The following GALNTL6 variants were observed in gnomAD, a reference collection of about 807,000 sequenced individuals.
The protein encoded by GALNTL6 is polypeptide N-acetylgalactosaminyltransferase like 6.
In GALNTL6, 46 loss-of-function variants were observed where a neutral mutation model predicts 73.7. That is an observed-to-expected ratio of 0.62 (90% CI 0.49 to 0.80). The LOEUF (loss-of-function observed/expected upper bound fraction) is 0.80, where lower values mean the gene tolerates loss of function less well. Among genes scored for constraint, GALNTL6 ranks in the 30% least tolerant of loss-of-function variants. GALNTL6 has a pLI of 0.00. For synonymous variants in GALNTL6, 259 were observed against 263.7 expected, an observed-to-expected ratio of 0.98 and a Z score of 0.17; for missense variants, 604 against 755.0, an observed-to-expected ratio of 0.80 and a Z score of 2.34.
chr4:171,867,756 TG>T (rs1005281801), intron 2 of GALNTL6, among the ~76,000 whole-genome samples: 73 of 152,354 alleles, frequency 4.8e-4, no homozygotes, highest in African/African-American at 1.8e-3. Flanking sequence ...AAGACAGTGT[TG>T]GCATTAAAAT....
At chr4:172,059,546 A>G in intron 2 of GALNTL6, among the ~76,000 whole-genome samples, 1 of 152,202 alleles carries the variant, frequency 6.6e-6, no homozygotes, top group Non-Finnish European at 1.5e-5. Flanking sequence ...AAATATATGA[A>G]TGAGGGCAAG....
chr4:171,885,042 G>A (rs1322248154), intron 2 of GALNTL6, among the ~76,000 whole-genome samples: 2 of 149,292 alleles, frequency 1.3e-5, no homozygotes, highest in African/African-American at 5.0e-5. Flanking sequence ...GGGCAACAGA[G>A]TGAGACTCTA....
At chr4:172,570,901 A>G (rs12503348) in intron 5 of GALNTL6, among the ~76,000 whole-genome samples, 74,433 of 151,844 alleles carry the variant, frequency 0.49, 19,552 homozygotes, top group East Asian at 0.68. Context: ...TGCTCATAAG[A>G]AGAGCGCAAT....
At chr4:172,824,766 C>A (rs1030610447) in intron 7 of GALNTL6, among the ~76,000 whole-genome samples, 3 of 152,178 alleles carry the variant, frequency 2.0e-5, no homozygotes, top group Admixed American at 6.5e-5. Context: ...AATCCTCTAA[C>A]AAAGTCAGAG....
intron 2 of GALNTL6, among the ~76,000 whole-genome samples, chr4:171,971,451 A>T (rs1739566445): frequency 6.6e-6 from 1 of 152,162 alleles, no homozygotes; most frequent in Non-Finnish European, 1.5e-5. Context: ...TATAATTGGG[A>T]CATTTAGGAC....
At chr4:171,937,179 C>G (rs565987573) in intron 2 of GALNTL6, among the ~76,000 whole-genome samples, 1 of 152,224 alleles carries the variant, frequency 6.6e-6, no homozygotes, top group South Asian at 2.1e-4. Flanking sequence ...TTAACTATTT[C>G]TGGGGTAAGA....
chr4:172,417,898 T>G (rs1050382367), intron 5 of GALNTL6, among the ~76,000 whole-genome samples: 1 of 152,192 alleles, frequency 6.6e-6, no homozygotes, highest in Non-Finnish European at 1.5e-5. Flanking sequence ...ACTGCTGCAG[T>G]TAAGTATGAG....
chr4:171,930,297 A>G (rs1294111422), intron 2 of GALNTL6, among the ~76,000 whole-genome samples: 1 of 152,252 alleles, frequency 6.6e-6, no homozygotes, highest in Non-Finnish European at 1.5e-5. Flanking sequence ...CCACTTGGGT[A>G]ATCGCAGACC....
chr4:172,559,650 A>AGTAAACTCT (rs1427588687), intron 5 of GALNTL6, among the ~76,000 whole-genome samples: 1 of 152,216 alleles, frequency 6.6e-6, no homozygotes, highest in East Asian at 1.9e-4. Flanking sequence ...TTTTTCATAT[A>AGTAAACTCT]GTAAACTCTG....
At chr4:172,718,341 A>G (rs1735235697) in intron 5 of GALNTL6, among the ~76,000 whole-genome samples, 2 of 152,198 alleles carry the variant, frequency 1.3e-5, no homozygotes, top group African/African-American at 4.8e-5. Context: ...CCTTTAAAAC[A>G]GTCATCTGGG....
At chr4:172,945,878 T>C (rs371847357) in intron 9 of GALNTL6, among the ~76,000 whole-genome samples, 1 of 152,166 alleles carries the variant, frequency 6.6e-6, no homozygotes, top group African/African-American at 2.4e-5. Context: ...ACAATCTCTT[T>C]TGAGCTGTAC....
intron 2 of GALNTL6, among the ~76,000 whole-genome samples, chr4:172,121,634 T>C (rs1276426932): frequency 6.6e-6 from 1 of 152,148 alleles, no homozygotes; most frequent in Non-Finnish European, 1.5e-5. Flanking sequence ...GTCAAAACTT[T>C]CTTATCTACA....
In GALNTL6 at chr4:172,809,933, AC is replaced by A. The variant is rs1579511083; in HGVS notation, c.739+388del. ...AAAATACACACACACACACACACAC[AC>A]ACACACACACACACACATTGAACAA... On this transcript the variant is annotated intron_variant, in intron 6 of 12. Coordinates refer to ENST00000506823, the MANE Select transcript of GALNTL6 (RefSeq NM_001034845.3). This position sits in a 1 kb window ranked among gnomAD's most constrained non-coding sequence, Gnocchi z 4.4. Among the ~76,000 whole-genome samples, 2 of 152,116 alleles carry A rather than the reference AC, an allele frequency of 1.3e-5. No homozygotes were observed. Among genetic ancestry groups the A allele is most frequent in the East Asian group, 3.9e-4 (2 of 5,174 alleles).
chr4:172,746,058 T>G (rs1737093465), intron 5 of GALNTL6, among the ~76,000 whole-genome samples: 1 of 151,772 alleles, frequency 6.6e-6, no homozygotes, highest in African/African-American at 2.4e-5. Context: ...ATAATAAAAT[T>G]ATAATGATAA....
At chr4:173,000,101 C>T (rs937940673) in intron 10 of GALNTL6, among the ~76,000 whole-genome samples, 1 of 152,086 alleles carries the variant, frequency 6.6e-6, no homozygotes, top group African/African-American at 2.4e-5. Flanking sequence ...CTATTGAGCA[C>T]ATAATATGGT....
intron 5 of GALNTL6, among the ~76,000 whole-genome samples, chr4:172,521,932 G>T (rs920146856): frequency 2.6e-5 from 4 of 152,144 alleles, no homozygotes; most frequent in Non-Finnish European, 4.4e-5. Flanking sequence ...TGATTATATT[G>T]TGTGCTACGT....
chr4:172,760,873 G>T (rs1212344863), intron 5 of GALNTL6, among the ~76,000 whole-genome samples: 1 of 152,172 alleles, frequency 6.6e-6, no homozygotes, highest in East Asian at 1.9e-4. Flanking sequence ...CCACAGAAAT[G>T]AGAAAATTGA....
intron 7 of GALNTL6, among the ~76,000 whole-genome samples, chr4:172,853,146 G>A (rs761986057): frequency 1.3e-5 from 2 of 152,158 alleles, no homozygotes; most frequent in Non-Finnish European, 2.9e-5. Flanking sequence ...CAAGACACAG[G>A]CCAAGGTTGT....
intron 2 of GALNTL6, among the ~76,000 whole-genome samples, chr4:171,894,001 A>C (rs1388685437): frequency 7.0e-6 from 1 of 142,942 alleles, no homozygotes; most frequent in Admixed American, 7.4e-5. Context: ...AAACTAAACC[A>C]GAACACATCA....
Sources: allele counts gnomAD v4.1 joint callset (sites outside exome capture counted in the v4.1 genomes callset), GRCh38; gene constraint gnomAD v4.1.1; non-coding constraint Gnocchi (gnomAD v3.1); transcripts MANE v1.5; gene names NCBI Gene and HGNC (gene_info 2026-07-23, HGNC 2026-07-21).